PPP6R1: variants seen among roughly 807,000 people sequenced by gnomAD.
PPP6R1 encodes protein phosphatase 6 regulatory subunit 1, also known as serine/threonine-protein phosphatase 6 regulatory subunit 1.
In PPP6R1, 39 loss-of-function variants were observed where a neutral mutation model predicts 104.6. The ratio of observed to expected loss-of-function variants is 0.37; its 90% CI spans 0.29 to 0.49. The LOEUF (loss-of-function observed/expected upper bound fraction) is 0.49. Ranked by LOEUF, PPP6R1 falls within the 20% of genes least tolerant of loss-of-function variation. The probability of loss-of-function intolerance (pLI) is 0.98; values close to 1 mark genes in which losing one functional copy is unlikely to be tolerated. For synonymous variants in PPP6R1, 549 were observed against 479.0 expected (o/e 1.15, Z -1.91); for missense variants, 1,181 against 1,155.8 (o/e 1.02, Z -0.32).
Position 55,231,671 on chromosome 19 carries a change from G to A in PPP6R1, c.2307-3C>T, listed in dbSNP as rs763930601. 6.3e-7 allele frequency: 1 copy of A among 1,599,860 alleles called. No individual in the cohort carries two copies. Among genetic ancestry groups the A allele is most frequent in the South Asian group, 1.1e-5 (1 of 88,952 alleles). On this transcript the variant is annotated splice_polypyrimidine_tract_variant and splice_region_variant and intron_variant, in intron 19 of 23. Transcript: ENST00000412770. The stretch of plus-strand genomic sequence containing the variant: ...AGGGGGGTGTGGGGTCCTGAGACCT[G>A]GTAGGCGAGAGAGGCAGCCCAAGGG...
chr19:55,235,860 T>C (rs2087394122), intron 17 of PPP6R1, among the ~76,000 whole-genome samples: 1 of 146,124 alleles, frequency 6.8e-6, no homozygotes, highest in Non-Finnish European at 1.5e-5. Flanking sequence ...TTTTTTTTTT[T>C]GAGACCAGGT....
Position 55,245,180 on chromosome 19 carries a change from G to C in PPP6R1, c.558C>G (p.Leu186=). 6.2e-7 allele frequency: 1 copy of C among 1,612,890 alleles called. No homozygotes were observed. The change falls in exon 5 of 24, where the codon CTC becomes CTG. Residue 186 remains leucine (L), a synonymous_variant. Transcript: ENST00000412770. This position sits in a 1 kb window ranked among gnomAD's most constrained non-coding sequence, Gnocchi z 6.4. ...GCCGCTGGACGATCTTCTCCTCGTTGAGCCACTGAGGGTGAGAAGGCGAGG... is the reference window on the plus strand; with the variant it reads ...GCCGCTGGACGATCTTCTCCTCGTTCAGCCACTGAGGGTGAGAAGGCGAGG... ...PQLRQDVVNW[L]NEEKIVQRLI... is the part of the protein sequence containing the mutation.
Position 55,230,494 on chromosome 19 carries a change from C to T in PPP6R1, c.*34G>A, listed in dbSNP as rs371861942. The T allele has an allele frequency of 1.9e-4, 314 of 1,612,642 alleles. No homozygotes were observed. The highest frequency in any genetic ancestry group is 3.2e-4 in the African/African-American group (24 of 74,962). Reference sequence around the variant, plus strand: ...CCACCCCGGGAGATCCACGGGAGGACGGAAGATTTGGCCGCCGCTGCCGCA... The same window carrying T: ...CCACCCCGGGAGATCCACGGGAGGATGGAAGATTTGGCCGCCGCTGCCGCA... On this transcript the variant is annotated 3_prime_UTR_variant, in exon 24 of 24. Transcript: ENST00000412770.
chr19:55,244,268 T>A (rs1254849316), intron 5 of PPP6R1, among the ~76,000 whole-genome samples: 1 of 152,200 alleles, frequency 6.6e-6, no homozygotes, highest in East Asian at 1.9e-4. Context: ...GAAGGACATG[T>A]TGCTCCCAGT....
At chr19:55,236,516 T>TAC (rs1600106026) in intron 17 of PPP6R1, 127 bp downstream of exon 17, 4 of 1,090,968 alleles carry the variant, frequency 3.7e-6, no homozygotes, top group Non-Finnish European at 2.5e-6. Context: ...CCCCAACTAA[T>TAC]ACACACACCA....
chr19:55,247,600 C>G (rs895494137), intron 1 of PPP6R1, among the ~76,000 whole-genome samples: 1 of 152,244 alleles, frequency 6.6e-6, no homozygotes, highest in Non-Finnish European at 1.5e-5. Context: ...TTTGCTTCAA[C>G]CTGTATTTGC....
Position 55,231,885 on chromosome 19 carries a change from G to A in PPP6R1, c.2223C>T (p.Ala741=). 6.6e-7 allele frequency: 1 copy of A among 1,511,038 alleles called. No individual in the cohort carries two copies. Among genetic ancestry groups the A allele is most frequent in the Non-Finnish European group, 8.9e-7 (1 of 1,128,950 alleles). 93.6% of individuals were successfully genotyped at this position (1,511,038 alleles called of 1,614,324 possible). ...GEEELHTGPP[A]PQGPLSVPQG... ...GGGGCACACTGAGGGGCCCCTGTGG[G>A]GCTGGAGGCCCAGTGTGCAGCTCTT... Residue 741 remains alanine (A), a synonymous_variant, in exon 19 of 24, where the codon GCC becomes GCT. Coordinates refer to ENST00000412770, the MANE Select transcript of PPP6R1 (RefSeq NM_014931.4).
chr19:55,240,918 G>A, intron 10 of PPP6R1, 27 bp downstream of exon 10: 1 of 1,600,126 alleles, frequency 6.2e-7, no homozygotes, highest in Non-Finnish European at 8.5e-7. Flanking sequence ...GGCCCAGAAG[G>A]AGGGGGACCA....
chr19:55,231,118 C>T (rs1180075507), intron 21 of PPP6R1, among the ~76,000 whole-genome samples: 1 of 152,136 alleles, frequency 6.6e-6, no homozygotes, highest in Non-Finnish European at 1.5e-5. Context: ...GTACTCGAGG[C>T]CGGCTGAGAC....
chr19:55,236,772 A>C lies in PPP6R1; in HGVS notation c.1859T>G (p.Phe620Cys). The C allele has an allele frequency of 6.2e-7, 1 of 1,613,882 alleles. No individual in the cohort carries two copies. Among genetic ancestry groups the C allele is most frequent in the Non-Finnish European group, 8.5e-7 (1 of 1,179,832 alleles). Reference sequence around the variant, plus strand: ...GTCCTCCTCTTCCTCATCATCATCAAACTGCTGGATGCGGTCCTTGTAGCA... The same window carrying C: ...GTCCTCCTCTTCCTCATCATCATCACACTGCTGGATGCGGTCCTTGTAGCA... ...EICYKDRIQQ[F>C]DDDEEEEDEE... The change falls in exon 17 of 24, where the codon TTT becomes TGT. Residue 620 changes from phenylalanine (F) to cysteine (C), a missense_variant. Physicochemically the swap from Phe to Cys is radical, Grantham distance 205. This residue lies in a region of PPP6R1 where 1,042 missense variants were observed against 955.6 expected (regional missense o/e 1.09). Coordinates refer to ENST00000412770, the MANE Select transcript of PPP6R1 (RefSeq NM_014931.4).
rs370376323 is a variant in PPP6R1 at position 55,247,010 on chromosome 19, C to A, written c.94G>T (p.Asp32Tyr). ...LSLPELLDEEDVLQECKVVNR... is the reference protein window; with the variant it reads ...LSLPELLDEEYVLQECKVVNR... The stretch of plus-strand genomic sequence containing the variant: ...ACGACCTTGCACTCCTGCAGCACGT[C>A]TTCCTCGTCCAGCAGCTCGGGCAGG... Residue 32 changes from aspartate to tyrosine, a missense_variant, in exon 2 of 24, where the codon GAC becomes TAC. By Grantham distance (160) the Asp-to-Tyr change is radical (BLOSUM62 -3). Around this residue, in one of 2 missense-constraint regions of PPP6R1, gnomAD observed 139 missense variants for 200.1 expected, o/e 0.69. Transcript: ENST00000412770. 6.2e-7 allele frequency: 1 copy of A among 1,613,908 alleles called. No individual in the cohort carries two copies. Among genetic ancestry groups the A allele is most frequent in the Non-Finnish European group, 8.5e-7 (1 of 1,179,894 alleles).
chr19:55,237,423 A>AT (rs1039891521), intron 15 of PPP6R1, among the ~76,000 whole-genome samples: 7 of 152,302 alleles, frequency 4.6e-5, no homozygotes, highest in African/African-American at 1.7e-4. Flanking sequence ...CAAGATGTCT[A>AT]CGGTCCGCGG....
chr19:55,245,325 G>A lies in PPP6R1; in HGVS notation c.492C>T (p.Asp164=). ...CACAGGTGAGCAGGCGCAGCAGGAG[G>A]TCCATGATGGCCGAGGTGCCAATGT... ...LQHIGTSAIM[D]LLLRLLTCVE... Residue 164 remains aspartate (D), a synonymous_variant, in exon 4 of 24, where the codon GAC becomes GAT. Transcript: ENST00000412770. This position sits in a 1 kb window ranked among gnomAD's most constrained non-coding sequence, Gnocchi z 6.4. The A allele has an allele frequency of 2.5e-6, 4 of 1,610,142 alleles. No homozygotes were observed. Among genetic ancestry groups the A allele is most frequent in the Non-Finnish European group, 3.4e-6 (4 of 1,178,440 alleles).
At chr19:55,252,293 G>A (rs2087559606) in intron 1 of PPP6R1, among the ~76,000 whole-genome samples, 1 of 151,872 alleles carries the variant, frequency 6.6e-6, no homozygotes, top group South Asian at 2.1e-4. Context: ...GCAGTGGCGC[G>A]ATCTCGGCTC....
Position 55,246,953 on chromosome 19 carries a change from G to C in PPP6R1, c.151C>G (p.Pro51Ala), listed in dbSNP as rs777212289. 6.2e-7 allele frequency: 1 copy of C among 1,613,820 alleles called. No homozygotes were observed. The highest frequency in any genetic ancestry group is 1.1e-5 in the South Asian group (1 of 91,080). Residue 51 changes from proline to alanine, a missense_variant, in exon 2 of 24, where the codon CCA becomes GCA. Around this residue, in one of 2 missense-constraint regions of PPP6R1, gnomAD observed 139 missense variants for 200.1 expected, o/e 0.69. Transcript: ENST00000412770. Reference sequence around the variant, plus strand: ...GCCACCATTGCTTGCAGGTGGGGTGGCTGCAGCAGGAAGTCCAGCAGCTTG... The same window carrying C: ...GCCACCATTGCTTGCAGGTGGGGTGCCTGCAGCAGGAAGTCCAGCAGCTTG... ...NRKLLDFLLQ[P>A]PHLQAMVAWV...
At position 55,239,703 on chromosome 19, in the gene PPP6R1, T is replaced by A; in HGVS notation, c.1564-20A>T. ...GTTCACCTGGGGAGAGGAGGGGGCGTCAGGGCCTGCTGGAGCCCCCAGACC... is the reference window on the plus strand; with the variant it reads ...GTTCACCTGGGGAGAGGAGGGGGCGACAGGGCCTGCTGGAGCCCCCAGACC... On this transcript the variant is annotated intron_variant, in intron 13 of 23. Transcript: ENST00000412770. 1.2e-6 allele frequency: 2 copies of A among 1,600,688 alleles called. No individual in the cohort carries two copies. The highest frequency in any genetic ancestry group is 4.5e-5 in the East Asian group (2 of 44,594).
chr19:55,254,253 G>A (rs913863510), intron 1 of PPP6R1, among the ~76,000 whole-genome samples: 4 of 152,224 alleles, frequency 2.6e-5, no homozygotes, highest in African/African-American at 9.6e-5. Context: ...CTAGTTTTTA[G>A]CTACCGTTTG....
intron 2 of PPP6R1, 87 bp downstream of exon 2, chr19:55,246,790 C>G: frequency 8.1e-7 from 1 of 1,227,464 alleles, no homozygotes; most frequent in Non-Finnish European, 1.1e-6. Context: ...CTGACACTGA[C>G]GCATTTCAGG....
At position 55,245,658 on chromosome 19, in the gene PPP6R1, T is replaced by C. The variant is rs754224541; in HGVS notation, c.248A>G (p.Glu83Gly). 2 of 1,603,716 alleles carry C rather than the reference T, an allele frequency of 1.2e-6. No individual in the cohort carries two copies. The highest frequency in any genetic ancestry group is 3.3e-5 in the Admixed American group (2 of 59,862). ...CTGGGGCACATCTGAGGTCAGAATC[T>C]CGCAGGCCACACTGGGGTACCTGGG... Reference protein sequence around the residue: ...LRYKYPSVACEILTSDVPQIN... With the variant: ...LRYKYPSVACGILTSDVPQIN... Residue 83 changes from glutamate to glycine, a missense_variant, in exon 3 of 24, where the codon GAG (glutamate) becomes GGG (glycine). By Grantham distance (98) the Glu-to-Gly change is moderately conservative. Transcript: ENST00000412770. The surrounding 1 kb of genome is among the most constrained non-coding windows in gnomAD (Gnocchi z 6.4).
Sources: gnomAD v4.1 joint callset for allele counts (sites outside exome capture counted in the v4.1 genomes callset) on GRCh38, gnomAD v4.1.1 for gene constraint, gnomAD v4.1.1 regional missense constraint, Gnocchi (gnomAD v3.1) non-coding constraint, MANE v1.5 for transcripts, NCBI Gene and HGNC (gene_info 2026-07-23, HGNC 2026-07-21) for gene names.